ATG7: variants seen among roughly 807,000 people sequenced by gnomAD.
The protein encoded by ATG7 is ubiquitin-like modifier-activating enzyme ATG7.
ATG7 carries 70 observed loss-of-function variants against 82.4 expected under a neutral mutation model. That is an observed-to-expected ratio of 0.85 (90% CI 0.70 to 1.04). The LOEUF (loss-of-function observed/expected upper bound fraction) is 1.04, where lower values mean the gene tolerates loss of function less well. Among genes scored for constraint, ATG7 ranks in the 50% least tolerant of loss-of-function variants. The probability of loss-of-function intolerance (pLI) is 0.00; values close to 1 mark genes in which losing one functional copy is unlikely to be tolerated. For synonymous variants in ATG7, 287 were observed against 313.0 expected (o/e 0.92, Z 0.88); for missense variants, 792 against 864.3 (o/e 0.92, Z 1.05).
chr3:11,498,314 T>C (rs1183257160), intron 20 of ATG7, among the ~76,000 whole-genome samples: 1 of 152,226 alleles, frequency 6.6e-6, no homozygotes, highest in East Asian at 1.9e-4. Flanking sequence ...ATTCCTGCTA[T>C]CTGGGATGAT....
At chr3:11,530,517 C>T (rs9850117) in intron 20 of ATG7, among the ~76,000 whole-genome samples, 19,996 of 152,096 alleles carry the variant, frequency 0.13, 1,668 homozygotes, top group Middle Eastern at 0.2. Context: ...AAGATAAATA[C>T]AAGAAAAACC....
intron 20 of ATG7, among the ~76,000 whole-genome samples, chr3:11,481,346 A>C (rs2088949314): frequency 6.6e-6 from 1 of 152,230 alleles, no homozygotes; most frequent in Non-Finnish European, 1.5e-5. Context: ...CGATGATAAA[A>C]AAATTTAGGG....
intron 19 of ATG7, among the ~76,000 whole-genome samples, chr3:11,391,037 T>A (rs1003460874): frequency 6.6e-6 from 1 of 152,120 alleles, no homozygotes; most frequent in African/African-American, 2.4e-5. Flanking sequence ...ATGGGTGTCA[T>A]GTAGTTGGCA....
At chr3:11,328,698 C>T (rs1351543882) in intron 9 of ATG7, among the ~76,000 whole-genome samples, 1 of 152,174 alleles carries the variant, frequency 6.6e-6, no homozygotes. Flanking sequence ...AAATTTGGTA[C>T]ATCAATACAA....
intron 20 of ATG7, among the ~76,000 whole-genome samples, chr3:11,549,538 G>A (rs78869324): frequency 0.016 from 2,437 of 152,210 alleles, 64 homozygotes; most frequent in African/African-American, 0.055. Context: ...CTTGACCCAG[G>A]ATAAAGACAC....
At chr3:11,488,998 C>T (rs1382511472) in intron 20 of ATG7, among the ~76,000 whole-genome samples, 3 of 152,022 alleles carry the variant, frequency 2.0e-5, no homozygotes, top group African/African-American at 7.2e-5. Flanking sequence ...CTCCTTGTAC[C>T]TCTGGTAGAA....
chr3:11,298,607 A>G, intron 3 of ATG7, 79 bp from the exon 4 acceptor site: 9 of 1,396,220 alleles, frequency 6.4e-6, no homozygotes, highest in Non-Finnish European at 8.9e-6. Context: ...TTTGAATTAA[A>G]CTTTATTACA....
intron 20 of ATG7, among the ~76,000 whole-genome samples, chr3:11,466,214 A>G (rs1489495985): frequency 6.6e-6 from 1 of 152,260 alleles, no homozygotes; most frequent in Admixed American, 6.5e-5. Flanking sequence ...ACATGATTAC[A>G]GTGGATTAAA....
chr3:11,485,319 T>C (rs1337148185), intron 20 of ATG7, among the ~76,000 whole-genome samples: 1 of 152,254 alleles, frequency 6.6e-6, no homozygotes, highest in Non-Finnish European at 1.5e-5. Flanking sequence ...TCATGTGTTT[T>C]TTGGCTGCAT....
intron 19 of ATG7, among the ~76,000 whole-genome samples, chr3:11,406,503 TTG>T (rs1165282470): frequency 6.6e-6 from 1 of 152,154 alleles, no homozygotes; most frequent in African/African-American, 2.4e-5. Context: ...AGATGACATC[TTG>T]CTATATTGCC....
intron 19 of ATG7, among the ~76,000 whole-genome samples, chr3:11,399,255 G>A (rs1045031028): frequency 6.6e-6 from 1 of 152,198 alleles, no homozygotes; most frequent in African/African-American, 2.4e-5. Context: ...GGCTGAGGCA[G>A]GAGAATCGCT....
intron 20 of ATG7, among the ~76,000 whole-genome samples, chr3:11,448,330 T>C (rs1253489300): frequency 6.6e-6 from 1 of 152,102 alleles, no homozygotes; most frequent in Non-Finnish European, 1.5e-5. Context: ...TGAGGCCACC[T>C]CTTGGGGCGG....
intron 3 of ATG7, among the ~76,000 whole-genome samples, chr3:11,295,301 C>T (rs1945691623): frequency 6.6e-6 from 1 of 152,150 alleles, no homozygotes; most frequent in Admixed American, 6.5e-5. Context: ...ATAATTCCCA[C>T]CTCATTCCTT....
At chr3:11,569,443 A>C in the ATG7 span, among the ~76,000 whole-genome samples, 1 of 152,096 alleles carries the variant, frequency 6.6e-6, no homozygotes, top group Non-Finnish European at 1.5e-5. Context: ...CCTCCCAAAA[A>C]CCAACATCCT....
At position 11,426,890 on chromosome 3, in the gene ATG7, T is replaced by TCTTA. The variant is rs1313117581; in HGVS notation, c.2045_2048dup (p.Leu684TyrfsTer11). On this transcript the variant is annotated frameshift_variant, in exon 20 of 21. Transcript: ENST00000693202. LOFTEE classifies it high-confidence loss of function. ...ATTCCTTCTTAGAAGACTTGACTGG[T>TCTTA]CTTACATTGCTGCATCAAGAAACCC... The TCTTA allele has an allele frequency of 6.2e-7, 1 of 1,609,822 alleles. No individual in the cohort carries two copies. The highest frequency in any genetic ancestry group is 8.5e-7 in the Non-Finnish European group (1 of 1,178,508).
rs1030963958 is a variant in ATG7 at position 11,491,371 on chromosome 3, G to A, written c.2080-63440G>A. 1.1e-4 allele frequency among the ~76,000 whole-genome samples: 17 copies of A among 152,116 alleles called. No individual in the cohort carries two copies. In the East Asian group the frequency reaches 2.5e-3, roughly 22 times the overall value. On this transcript the variant is annotated intron_variant, in intron 20 of 20. Transcript: ENST00000693202. ...TATTGGTTATTCTAGTTATACATTC[G>A]TCTAAATTTTTTTCAAAGTTTTCAA... is the stretch of plus-strand genomic sequence containing the variant.
the ATG7 span, among the ~76,000 whole-genome samples, chr3:11,573,235 AAAAGAAATAGAGAAAG>A: frequency 8.4e-4 from 100 of 119,240 alleles, 7 homozygotes; most frequent in Admixed American, 6.3e-3. Flanking sequence ...AGACAGAAAG[AAAAGAAATAGAGAAAG>A]AAAGAAAGAA....
chr3:11,533,963 G>C (rs1352616463), intron 20 of ATG7, among the ~76,000 whole-genome samples: 1 of 152,182 alleles, frequency 6.6e-6, no homozygotes, highest in African/African-American at 2.4e-5. Flanking sequence ...TTGAGGCCCA[G>C]GTTTCCCACC....
chr3:11,280,572 A>G (rs758795742), intron 1 of ATG7, among the ~76,000 whole-genome samples: 11 of 152,192 alleles, frequency 7.2e-5, no homozygotes, highest in South Asian at 4.1e-4. Context: ...ATTTACCTCT[A>G]TGAAATTTCA....
Sources: gnomAD v4.1 joint callset for allele counts (sites outside exome capture counted in the v4.1 genomes callset) on GRCh38, gnomAD v4.1.1 for gene constraint, MANE v1.5 for transcripts, NCBI Gene and HGNC (gene_info 2026-07-23, HGNC 2026-07-21) for gene names.